Variants in MPP2 observed in about 807,000 individuals in gnomAD.
The protein encoded by MPP2 is MAGUK p55 subfamily member 2.
In MPP2, 42 loss-of-function variants were observed where a neutral mutation model predicts 58.5. That is an observed-to-expected ratio of 0.72 (90% CI 0.56 to 0.93). MPP2 has a LOEUF of 0.93. Among genes scored for constraint, MPP2 ranks in the 40% least tolerant of loss-of-function variants. The pLI, the probability that MPP2 is intolerant of heterozygous loss-of-function variation, is 0.00. For missense variants in MPP2, 632 were observed against 760.4 expected (o/e 0.83, Z 1.99); for synonymous variants, 300 against 307.8 (o/e 0.97, Z 0.26).
chr17:43,879,802 C>G lies in MPP2; in HGVS notation c.1333G>C (p.Val445Leu), dbSNP rs1442021506. ...GGTACCTGGGGGTTGACATCCAGCA[C>G]GCACACCTTCCCAGCAGCGACCACG... is the stretch of plus-strand genomic sequence containing the variant. ...RGVVAAGKVC[V>L]LDVNPQAVKV... Residue 445 changes from valine (V) to leucine (L), a missense_variant, in exon 11 of 13, where the codon GTG becomes CTG. By Grantham distance (32) the Val-to-Leu change is conservative. Transcript: ENST00000269095. This position sits in a 1 kb window ranked among gnomAD's most constrained non-coding sequence, Gnocchi z 4.1. 9 of 1,613,518 alleles carry G rather than the reference C, an allele frequency of 5.6e-6. No individual in the cohort carries two copies. The highest frequency in any genetic ancestry group is 1.7e-5 in the Admixed American group (1 of 59,974).
At chr17:43,901,088 C>T (rs2048078326) in intron 2 of MPP2, among the ~76,000 whole-genome samples, 1 of 152,150 alleles carries the variant, frequency 6.6e-6, no homozygotes. Context: ...GTTTCCTTTA[C>T]AATAGTCCCT....
chr17:43,896,891 A>G (rs564566304), intron 3 of MPP2, among the ~76,000 whole-genome samples: 66 of 152,004 alleles, frequency 4.3e-4, no homozygotes, highest in African/African-American at 1.6e-3. Context: ...CCTTGCCTCC[A>G]ACGCAGCCAT....
At chr17:43,906,064 C>T in intron 1 of MPP2, 1 of 983,862 alleles carries the variant, frequency 1.0e-6, no homozygotes, top group Non-Finnish European at 1.2e-6. Flanking sequence ...CCCTCCCCCT[C>T]CCAGGCCTTG....
chr17:43,879,299 A>G lies in MPP2; in HGVS notation c.1458T>C (p.Ser486=), dbSNP rs775059342. ...LRAMNRAALE[S]GISTKQLTEA... ...CCGTGAGCTGCTTGGTGGATATTCC[A>G]CTCTCCAGCGCAGCCCTGTTCATGG... Residue 486 remains serine, a synonymous_variant, in exon 12 of 13, where the codon AGT becomes AGC. Coordinates refer to ENST00000269095, the MANE Select transcript of MPP2 (RefSeq NM_005374.5). This position sits in a 1 kb window ranked among gnomAD's most constrained non-coding sequence, Gnocchi z 4.1. The G allele has an allele frequency of 3.7e-6, 6 of 1,610,986 alleles. No homozygotes were observed. The East Asian group carries it at 1.3e-4, about 36-fold the overall frequency.
chr17:43,881,619 G>A (rs1270609508), intron 6 of MPP2, 30 bp from the exon 7 acceptor site: 1 of 1,608,084 alleles, frequency 6.2e-7, no homozygotes, highest in Middle Eastern at 1.7e-4. Flanking sequence ...AAGGGTCGGG[G>A]GAAGGGTCAG....
intron 1 of MPP2, 52 bp downstream of exon 1, chr17:43,907,399 TAAGTGCCGTGTCAGGACGAAAAG>T (rs2048333286): frequency 6.1e-6 from 6 of 985,478 alleles, no homozygotes; most frequent in Non-Finnish European, 7.2e-6. Flanking sequence ...AATAGGGTCC[TAAGTGCCGTGTCAGGACGAAAAG>T]AAGGCGGAGG....
At position 43,898,922 on chromosome 17, in the gene MPP2, G is replaced by A. The variant is rs566990307; in HGVS notation, c.32-542C>T. 7.2e-5 allele frequency among the ~76,000 whole-genome samples: 11 copies of A among 152,308 alleles called. No individual in the cohort carries two copies. The South Asian group carries it at 1.2e-3, about 17-fold the overall frequency. On this transcript the variant is annotated intron_variant, in intron 2 of 12. Coordinates refer to ENST00000269095, the MANE Select transcript of MPP2 (RefSeq NM_005374.5). ...AGAGATTGCAGTGAGCTGAGATCAC[G>A]CCACTGCACTCCAGCCTGGGTGGCA...
chr17:43,882,985 A>G lies in MPP2; in HGVS notation c.371T>C (p.Leu124Pro), dbSNP rs1160985754. The change falls in exon 5 of 13, where the codon CTG (leucine) becomes CCG (proline). Residue 124 changes from leucine to proline, a missense_variant. Leu to Pro is a moderately conservative substitution (Grantham distance 98). Transcript: ENST00000269095. ...TYETPPPSPG[L>P]DPTFSNQPVP... Reference sequence around the variant, plus strand: ...AGGCTGGTTGCTGAATGTAGGGTCCAGGCCAGGGCTGGGGGGTGGTGTCTC... The same window carrying G: ...AGGCTGGTTGCTGAATGTAGGGTCCGGGCCAGGGCTGGGGGGTGGTGTCTC... The G allele has an allele frequency of 1.2e-6, 2 of 1,613,972 alleles. No homozygotes were observed. Among genetic ancestry groups the G allele is most frequent in the African/African-American group, 1.3e-5 (1 of 74,922 alleles).
chr17:43,885,344 C>T (rs2047323214), intron 3 of MPP2, among the ~76,000 whole-genome samples: 1 of 152,184 alleles, frequency 6.6e-6, no homozygotes, highest in South Asian at 2.1e-4. Context: ...AGTCCTTGAG[C>T]ATCTTCTTCC....
At chr17:43,908,890 A>C (rs1422915725), upstream of MPP2, among the ~76,000 whole-genome samples, 1 of 152,154 alleles carries the variant, frequency 6.6e-6, no homozygotes, top group Non-Finnish European at 1.5e-5. Context: ...CGAACTGCTG[A>C]AAACCACATT....
intron 1 of MPP2, chr17:43,906,058 C>T (rs766343425): frequency 4.1e-6 from 4 of 981,728 alleles, no homozygotes; most frequent in South Asian, 9.4e-5. Flanking sequence ...TCCCTTCCCT[C>T]CCCCTCCCAG....
intron 3 of MPP2, among the ~76,000 whole-genome samples, chr17:43,884,949 C>A (rs1163588819): frequency 6.6e-6 from 1 of 151,982 alleles, no homozygotes; most frequent in African/African-American, 2.4e-5. Flanking sequence ...GGTGAAACCC[C>A]GTTTCTACTA....
chr17:43,909,530 A>G (rs998035529), upstream of MPP2: 64 of 1,384,748 alleles, frequency 4.6e-5, no homozygotes, highest in Non-Finnish European at 5.8e-5. Flanking sequence ...TTCTTAATCA[A>G]GCAATTATTA....
intron 3 of MPP2, among the ~76,000 whole-genome samples, chr17:43,887,545 G>A (rs550190434): frequency 5.9e-4 from 90 of 151,578 alleles, no homozygotes; most frequent in Non-Finnish European, 1.2e-3. Flanking sequence ...TTTTCACATA[G>A]AGATCTCTGA....
chr17:43,906,769 G>A (rs1164062887), intron 1 of MPP2, among the ~76,000 whole-genome samples: 1 of 152,104 alleles, frequency 6.6e-6, no homozygotes, highest in Non-Finnish European at 1.5e-5. Flanking sequence ...AGCCATCAAA[G>A]AAGGCTCTCT....
intron 3 of MPP2, among the ~76,000 whole-genome samples, chr17:43,894,427 A>C (rs2047738756): frequency 8.0e-5 from 1 of 12,534 alleles, no homozygotes; most frequent in African/African-American, 2.7e-4. Flanking sequence ...AAATATATAT[A>C]TATATATATA....
intron 3 of MPP2, chr17:43,884,040 C>A (rs1289028665): frequency 2.9e-6 from 2 of 694,204 alleles, no homozygotes; most frequent in Non-Finnish European, 5.2e-6. Flanking sequence ...TTTTTCCCCT[C>A]TGAATCTTTG....
Position 43,879,875 on chromosome 17 carries a change from GC to G in MPP2, c.1259del (p.Gly420AlafsTer34). ...TGCCATACAGGTTGCCCTCGTATTC[GC>G]CATGCTCCAGGTAGCGCCCAGCACG... The part of the protein sequence containing the change: ...DVRAGRYLEH[G>X]EYEGNLYGTR... On this transcript the variant is annotated frameshift_variant, in exon 11 of 13. Coordinates refer to ENST00000269095, the MANE Select transcript of MPP2 (RefSeq NM_005374.5). LOFTEE classifies it high-confidence loss of function. This position sits in a 1 kb window ranked among gnomAD's most constrained non-coding sequence, Gnocchi z 4.1. 4 of 1,613,966 alleles carry G rather than the reference GC, an allele frequency of 2.5e-6. No individual in the cohort carries two copies. Among genetic ancestry groups the G allele is most frequent in the Non-Finnish European group, 3.4e-6 (4 of 1,179,966 alleles).
chr17:43,906,705 G>C (rs1461154213), intron 1 of MPP2, among the ~76,000 whole-genome samples: 4 of 152,132 alleles, frequency 2.6e-5, no homozygotes, highest in Admixed American at 6.5e-5. Context: ...TGCCCCAACG[G>C]ACCCAGCCCT....
Sources: allele counts gnomAD v4.1 joint callset (sites outside exome capture counted in the v4.1 genomes callset), GRCh38; gene constraint gnomAD v4.1.1; non-coding constraint Gnocchi (gnomAD v3.1); transcripts MANE v1.5; gene names NCBI Gene and HGNC (gene_info 2026-07-23, HGNC 2026-07-21).